Variants in PLOD3 observed in about 807,000 individuals in gnomAD.
The protein encoded by PLOD3 is multifunctional procollagen lysine hydroxylase and glycosyltransferase LH3.
A neutral mutation model predicts 96.9 loss-of-function variants in PLOD3; 73 were observed. The ratio of observed to expected loss-of-function variants is 0.75; its 90% CI spans 0.62 to 0.92. The LOEUF (loss-of-function observed/expected upper bound fraction) is 0.92, where lower values mean the gene tolerates loss of function less well. Among genes scored for constraint, PLOD3 ranks in the 40% least tolerant of loss-of-function variants. The probability of loss-of-function intolerance (pLI) is 0.00; values close to 1 mark genes in which losing one functional copy is unlikely to be tolerated. For synonymous variants in PLOD3, 454 were observed against 413.7 expected (o/e 1.10, Z -1.18); for missense variants, 1,004 against 1,004.3 (o/e 1.00, Z 0.00).
rs200169267 is a variant in PLOD3 at position 101,206,896 on chromosome 7, C to T, written c.1944G>A (p.Ala648=). 1.6e-4 allele frequency: 253 copies of T among 1,557,226 alleles called. No homozygotes were observed. The highest frequency in any genetic ancestry group is 2.1e-4 in the Non-Finnish European group (246 of 1,149,990). ...LFPGYHTKAR[A]VMNFVVRYRP... ...GGTAGCGAACCACAAAGTTCATCAC[C>T]GCCCGCGCCTGGGGGAGAGGAGGGA... Residue 648 remains alanine (A), a synonymous_variant, in exon 18 of 19, where the codon GCG becomes GCA. Coordinates refer to ENST00000223127, the MANE Select transcript of PLOD3 (RefSeq NM_001084.5).
chr7:101,212,654 G>A lies in PLOD3; in HGVS notation c.881C>T (p.Pro294Leu). The A allele has an allele frequency of 6.2e-7, 1 of 1,613,790 alleles. No homozygotes were observed. The highest frequency in any genetic ancestry group is 1.7e-5 in the Admixed American group (1 of 59,996). Residue 294 changes from proline (P) to leucine (L), a missense_variant and splice_region_variant, in exon 9 of 19, where the codon CCT (proline) becomes CTT (leucine). Around this residue, in one of 5 missense-constraint regions of PLOD3, gnomAD observed 690 missense variants for 650.2 expected, o/e 1.06. Transcript: ENST00000223127. ...QDRRTLPGGQ[P>L]PPRVFLAVFV... ...CACGGCCAGAAACACCCGGGGGGGA[G>A]GCTGGAAGATGCAACACGCAGGGAC...
chr7:101,207,644 C>T lies in PLOD3; in HGVS notation c.1869G>A (p.Trp623Ter), dbSNP rs1213976958. 3 of 1,614,002 alleles carry T rather than the reference C, an allele frequency of 1.9e-6. No individual in the cohort carries two copies. Among genetic ancestry groups the T allele is most frequent in the Non-Finnish European group, 2.5e-6 (3 of 1,179,938 alleles). ...CCACATACGTCCGCAGCAGCTGCAG[C>T]CACTGGTCCTCGTACCCCACCTGCT... ...HMKQVGYEDQ[W>*]LQLLRTYVGP... Residue 623 changes from tryptophan to a stop codon, truncating the protein, a stop_gained, in exon 17 of 19, where the codon TGG becomes TGA. Coordinates refer to ENST00000223127, the MANE Select transcript of PLOD3 (RefSeq NM_001084.5). LOFTEE classifies it high-confidence loss of function.
rs555095120 is a variant in PLOD3, at chr7:101,208,732, G to A, written c.1788+121C>T. On this transcript the variant is annotated intron_variant, in intron 16 of 18. Transcript: ENST00000223127. ...ATGAATGAATGCAGTTGTGACCCCA[G>A]GGTCTGCCTCCCCCCTGGGAACCCC... 49 of 713,750 alleles carry A rather than the reference G, an allele frequency of 6.9e-5. 1 individual carries two copies. The Middle Eastern group carries it at 9.2e-4, about 13-fold the overall frequency. The allele number at this position is 713,750 out of a possible 1,614,324, so 44.2% of individuals were successfully genotyped here.
At position 101,215,895 on chromosome 7, in the gene PLOD3, C is replaced by T; in HGVS notation, c.615+13G>A. ...AGAGCTGCGGGATGCGCCCACTCCT[C>T]TGCCTTCCCTACCCTCAGTCCTGGG... On this transcript the variant is annotated intron_variant, in intron 5 of 18. Transcript: ENST00000223127. 1.3e-6 allele frequency: 2 copies of T among 1,573,624 alleles called. No individual in the cohort carries two copies. Among genetic ancestry groups the T allele is most frequent in the Admixed American group, 3.3e-5 (2 of 59,948 alleles).
chr7:101,209,165 C>A (rs1025110522), intron 15 of PLOD3, among the ~76,000 whole-genome samples: 2 of 150,024 alleles, frequency 1.3e-5, no homozygotes, highest in African/African-American at 4.9e-5. Flanking sequence ...TGGAGCCCCT[C>A]GTGCTGGGAC....
intron 15 of PLOD3, 37 bp from the exon 16 acceptor site, chr7:101,208,994 G>T (rs751096722): frequency 7.1e-7 from 1 of 1,418,274 alleles, no homozygotes; most frequent in South Asian, 1.1e-5. Flanking sequence ...GCTAGCTGAC[G>T]CCGCAGAACG....
intron 17 of PLOD3, 68 bp downstream of exon 17, chr7:101,207,510 C>T (rs1038072529): frequency 1.8e-5 from 28 of 1,531,662 alleles, no homozygotes; most frequent in African/African-American, 4.1e-5. Flanking sequence ...AAGGGGTCTG[C>T]GTGGAGACTT....
intron 16 of PLOD3, among the ~76,000 whole-genome samples, chr7:101,208,307 T>G (rs78164716): frequency 0.014 from 2,121 of 151,826 alleles, 38 homozygotes; most frequent in East Asian, 0.087. Flanking sequence ...AGCCTGGAGT[T>G]CAATCTTGGC....
chr7:101,210,472 G>A, intron 13 of PLOD3, 28 bp from the exon 14 acceptor site: 2 of 1,613,612 alleles, frequency 1.2e-6, no homozygotes, highest in South Asian at 1.1e-5. Flanking sequence ...TGTCCGTGAT[G>A]CAGGCGATGC....
Position 101,210,715 on chromosome 7 carries a change from C to T in PLOD3, c.1359-42G>A, listed in dbSNP as rs1259111430. The T allele has an allele frequency of 3.7e-6, 6 of 1,610,306 alleles. No individual in the cohort carries two copies. In the South Asian group the frequency reaches 6.6e-5, roughly 18 times the overall value. Reference sequence around the variant, plus strand: ...CGCGGTCAGCTGGGAGGACAGCCCCCCAAATTCTGCCCAGCTCATCCCGGG... The same window carrying T: ...CGCGGTCAGCTGGGAGGACAGCCCCTCAAATTCTGCCCAGCTCATCCCGGG... On this transcript the variant is annotated intron_variant, in intron 12 of 18. Coordinates refer to ENST00000223127, the MANE Select transcript of PLOD3 (RefSeq NM_001084.5).
At position 101,217,434 on chromosome 7, in the gene PLOD3, A is replaced by G. The variant is rs868260965; in HGVS notation, c.-160T>C. 2.4e-5 allele frequency: 15 copies of G among 628,974 alleles called. No individual in the cohort carries two copies. The highest frequency in any genetic ancestry group is 4.6e-4 in the Middle Eastern group (1 of 2,178). The allele number at this position is 628,974 out of a possible 1,614,324, so 39.0% of individuals were successfully genotyped here. A position where few individuals can be genotyped will look rare whatever the true frequency, so the allele number is the denominator to read the frequency against. On this transcript the variant is annotated 5_prime_UTR_variant, in exon 1 of 19. Transcript: ENST00000223127. Reference sequence around the variant, plus strand: ...GGGCTACGCCCTGAAAAAAAGGCGTATCCGGAGGCTACAGAAAGCTCCAGA... The same window carrying G: ...GGGCTACGCCCTGAAAAAAAGGCGTGTCCGGAGGCTACAGAAAGCTCCAGA...
Position 101,206,901 on chromosome 7 carries a change from G to A in PLOD3, c.1939C>T (p.Arg647Trp), listed in dbSNP as rs772004501. ...SLFPGYHTKA[R>W]AVMNFVVRYR... is the part of the protein sequence containing the mutation. ...CGAACCACAAAGTTCATCACCGCCC[G>A]CGCCTGGGGGAGAGGAGGGAAGAGG... The change falls in exon 18 of 19, where the codon CGG (arginine) becomes TGG (tryptophan). Residue 647 changes from arginine (R) to tryptophan (W), a missense_variant. This residue lies in a region of PLOD3 where 222 missense variants were observed against 220.4 expected (regional missense o/e 1.01). Coordinates refer to ENST00000223127, the MANE Select transcript of PLOD3 (RefSeq NM_001084.5). 47 of 1,556,166 alleles carry A rather than the reference G, an allele frequency of 3.0e-5. No homozygotes were observed. Among genetic ancestry groups the A allele is most frequent in the Middle Eastern group, 1.7e-4 (1 of 5,976 alleles).
chr7:101,214,597 G>A (rs1039283858), intron 6 of PLOD3, among the ~76,000 whole-genome samples: 28 of 152,106 alleles, frequency 1.8e-4, no homozygotes, highest in Non-Finnish European at 3.2e-4. Context: ...CAGCACTTTG[G>A]GAGGTTGAGG....
intron 17 of PLOD3, among the ~76,000 whole-genome samples, 179 bp downstream of exon 17, chr7:101,207,399 T>G (rs75993027): frequency 6.6e-6 from 1 of 152,042 alleles, no homozygotes; most frequent in Non-Finnish European, 1.5e-5. Flanking sequence ...AGCCTCACCT[T>G]GGGTCTCAGC....
chr7:101,211,112 C>T (rs905248503), intron 12 of PLOD3: 3 of 219,834 alleles, frequency 1.4e-5, no homozygotes, highest in Non-Finnish European at 2.8e-5. Context: ...AACTCCTGAC[C>T]TCGAGTAATC....
At chr7:101,214,709 T>C (rs911957944) in intron 6 of PLOD3, among the ~76,000 whole-genome samples, 13 of 152,006 alleles carry the variant, frequency 8.6e-5, no homozygotes, top group Non-Finnish European at 1.3e-4. Flanking sequence ...TGGTGGCGCA[T>C]GCCTGTAATC....
At position 101,210,523 on chromosome 7, in the gene PLOD3, C is replaced by T. The variant is rs777412111; in HGVS notation, c.1500+9G>A. 43 of 1,614,068 alleles carry T rather than the reference C, an allele frequency of 2.7e-5. No individual in the cohort carries two copies. Among genetic ancestry groups the T allele is most frequent in the Middle Eastern group, 1.6e-4 (1 of 6,084 alleles). ...CTGCCCCCAGGCCAGACCGTGCACC[C>T]GCGCTCACCTTGTCTCGAAAGCTCT... On this transcript the variant is annotated intron_variant, in intron 13 of 18. Transcript: ENST00000223127.
chr7:101,217,105 AG>A, intron 1 of PLOD3, 60 bp downstream of exon 1: 1 of 1,430,442 alleles, frequency 7.0e-7, no homozygotes, highest in Non-Finnish European at 9.1e-7. Flanking sequence ...TCTCCGGGCC[AG>A]GCTGGCAGGC....
intron 6 of PLOD3, among the ~76,000 whole-genome samples, chr7:101,214,275 C>T (rs1034951378): frequency 1.3e-5 from 2 of 151,626 alleles, no homozygotes; most frequent in Non-Finnish European, 2.9e-5. Flanking sequence ...TACAGGCACC[C>T]GCCACCACGC....
Sources: gnomAD v4.1 joint callset for allele counts (sites outside exome capture counted in the v4.1 genomes callset) on GRCh38, gnomAD v4.1.1 for gene constraint, gnomAD v4.1.1 regional missense constraint, MANE v1.5 for transcripts, NCBI Gene and HGNC (gene_info 2026-07-23, HGNC 2026-07-21) for gene names.